The following GPC5 variants were observed in gnomAD, a reference collection of about 807,000 sequenced individuals.
GPC5 encodes the protein glypican-5.
In GPC5, 47 loss-of-function variants were observed where a neutral mutation model predicts 53.9. The ratio of observed to expected loss-of-function variants is 0.87; its 90% CI spans 0.69 to 1.11. The LOEUF (loss-of-function observed/expected upper bound fraction) is 1.11. Among genes scored for constraint, GPC5 ranks in the 50% most tolerant of loss-of-function variants. The pLI is 0.00. For missense variants in GPC5, 748 were observed against 713.1 expected (o/e 1.05, Z -0.56); for synonymous variants, 286 against 263.3 (o/e 1.09, Z -0.84).
intron 2 of GPC5, among the ~76,000 whole-genome samples, chr13:91,636,600 C>T (rs1254747546): frequency 6.6e-6 from 1 of 152,172 alleles, no homozygotes; most frequent in Non-Finnish European, 1.5e-5. Flanking sequence ...TGATCTGCCT[C>T]ACTGTACCAA....
intron 2 of GPC5, among the ~76,000 whole-genome samples, chr13:91,473,979 A>G (rs533801961): frequency 6.6e-6 from 1 of 152,284 alleles, no homozygotes; most frequent in South Asian, 2.1e-4. Context: ...TTTATTCTAG[A>G]AACATTGTTG....
chr13:91,710,019 A>T (rs1361964264), intron 3 of GPC5, among the ~76,000 whole-genome samples: 1 of 152,098 alleles, frequency 6.6e-6, no homozygotes, highest in African/African-American at 2.4e-5. Context: ...CCTTCCTGTC[A>T]TGTTCCAGGT....
intron 6 of GPC5, among the ~76,000 whole-genome samples, chr13:92,016,490 A>G (rs932284262): frequency 2.0e-5 from 3 of 152,138 alleles, no homozygotes; most frequent in African/African-American, 7.2e-5. Context: ...CCTATAATTC[A>G]ACTTCTGATT....
intron 7 of GPC5, chr13:92,339,668 C>T (rs1351338469): frequency 6.6e-6 from 1 of 152,104 alleles, no homozygotes; most frequent in African/African-American, 2.4e-5. Flanking sequence ...TGAGCTTATA[C>T]ATCTGAGCTA....
At chr13:92,408,681 A>C (rs1038550718) in intron 7 of GPC5, among the ~76,000 whole-genome samples, 2 of 152,000 alleles carry the variant, frequency 1.3e-5, no homozygotes, top group African/African-American at 4.8e-5. Flanking sequence ...ATATGTATTT[A>C]TATATACATG....
intron 1 of GPC5, among the ~76,000 whole-genome samples, chr13:91,399,464 C>G (rs1464520342): frequency 1.3e-5 from 2 of 152,190 alleles, no homozygotes; most frequent in Non-Finnish European, 2.9e-5. Flanking sequence ...CTCCCTTCGT[C>G]TTGGAGGATG....
intron 1 of GPC5, among the ~76,000 whole-genome samples, chr13:91,425,483 A>G (rs138809453): frequency 2.2e-3 from 337 of 152,222 alleles, no homozygotes; most frequent in African/African-American, 7.8e-3. Context: ...GTGAATTCTC[A>G]TGAGGTCTGA....
At chr13:91,769,486 A>T (rs546708364) in intron 5 of GPC5, among the ~76,000 whole-genome samples, 1 of 152,292 alleles carries the variant, frequency 6.6e-6, no homozygotes, top group Non-Finnish European at 1.5e-5. Flanking sequence ...AGGGCATGTT[A>T]GATTGAGTAT....
At chr13:91,972,634 C>T (rs1156460882) in intron 6 of GPC5, among the ~76,000 whole-genome samples, 2 of 152,082 alleles carry the variant, frequency 1.3e-5, no homozygotes, top group African/African-American at 2.4e-5. Flanking sequence ...TTAGTGCTTC[C>T]TTCAGGAGCT....
chr13:92,280,038 G>T (rs1328884358), intron 7 of GPC5, among the ~76,000 whole-genome samples: 1 of 151,958 alleles, frequency 6.6e-6, no homozygotes, highest in Non-Finnish European at 1.5e-5. Flanking sequence ...TCTAATTGTG[G>T]CCTTCTTGTT....
intron 6 of GPC5, among the ~76,000 whole-genome samples, chr13:91,927,314 T>C (rs946917543): frequency 6.6e-6 from 1 of 152,164 alleles, no homozygotes; most frequent in African/African-American, 2.4e-5. Context: ...ATCTAAACAA[T>C]CATTTTTTGC....
intron 5 of GPC5, among the ~76,000 whole-genome samples, chr13:91,771,594 A>G (rs1044456619): frequency 3.3e-5 from 5 of 152,216 alleles, no homozygotes; most frequent in African/African-American, 1.2e-4. Flanking sequence ...AGAAGGAGAT[A>G]GCCTTACAGC....
chr13:91,477,447 G>C (rs1882996406), intron 2 of GPC5, among the ~76,000 whole-genome samples: 1 of 152,188 alleles, frequency 6.6e-6, no homozygotes, highest in Admixed American at 6.5e-5. Context: ...GTTTTGGGGA[G>C]AGGATACATT....
At chr13:92,420,929 T>C (rs1347772299) in intron 7 of GPC5, among the ~76,000 whole-genome samples, 3 of 152,262 alleles carry the variant, frequency 2.0e-5, no homozygotes, top group African/African-American at 7.2e-5. Context: ...TTTTGGCTAC[T>C]GTGAATAGTG....
chr13:91,974,814 C>A (rs1372431680), intron 6 of GPC5, among the ~76,000 whole-genome samples: 1 of 152,126 alleles, frequency 6.6e-6, no homozygotes, highest in Non-Finnish European at 1.5e-5. Context: ...AATGCCAAGA[C>A]AATCCTAAGC....
chr13:92,201,652 C>T (rs764106097), intron 7 of GPC5, among the ~76,000 whole-genome samples: 3 of 152,032 alleles, frequency 2.0e-5, no homozygotes, highest in Non-Finnish European at 4.4e-5. Flanking sequence ...GTTGATGAAG[C>T]TATGCTAGGT....
intron 1 of GPC5, among the ~76,000 whole-genome samples, chr13:91,416,355 G>A (rs1323182861): frequency 6.6e-6 from 1 of 152,062 alleles, no homozygotes; most frequent in African/African-American, 2.4e-5. Context: ...CACTAGCTTG[G>A]GAGAAATGCT....
In GPC5 at chr13:92,037,411, A is replaced by G. The variant is rs9583991; in HGVS notation, c.1402-107419A>G. 5.0e-3 allele frequency among the ~76,000 whole-genome samples: 758 copies of G among 152,288 alleles called. 3 individuals are homozygous for G. Among genetic ancestry groups the G allele is most frequent in the African/African-American group, 0.017 (721 of 41,554 alleles). On this transcript the variant is annotated intron_variant, in intron 6 of 7. Transcript: ENST00000377067. ...GGACCTGTTTTACAGTCACCTCTCT[A>G]AGAAGTCTTCCCTGACTGCTTTATT...
chr13:92,476,018 G>A (rs1168694518), intron 7 of GPC5, among the ~76,000 whole-genome samples: 1 of 152,200 alleles, frequency 6.6e-6, no homozygotes, highest in South Asian at 2.1e-4. Flanking sequence ...AAAAGCAATG[G>A]CAACAAAAGA....
Sources: gnomAD v4.1 joint callset for allele counts (sites outside exome capture counted in the v4.1 genomes callset) on GRCh38, gnomAD v4.1.1 for gene constraint, MANE v1.5 for transcripts, NCBI Gene and HGNC (gene_info 2026-07-23, HGNC 2026-07-21) for gene names.